TNNI3K: variants seen among roughly 807,000 people sequenced by gnomAD.
TNNI3K encodes serine/threonine-protein kinase TNNI3K.
A neutral mutation model predicts 114.5 loss-of-function variants in TNNI3K; 140 were observed. That is an observed-to-expected ratio of 1.22 (90% confidence interval 1.07 to 1.41). The LOEUF (loss-of-function observed/expected upper bound fraction) is 1.41, where lower values mean the gene tolerates loss of function less well. Among genes scored for constraint, TNNI3K ranks in the 40% most tolerant of loss-of-function variants. The pLI is 0.00. For missense variants in TNNI3K, 1,125 were observed against 1,007.6 expected (o/e 1.12, Z -1.58); for synonymous variants, 347 against 347.5 (o/e 1.00, Z 0.02).
At chr1:74,308,866 A>G (rs977612958) in intron 5 of TNNI3K, among the ~76,000 whole-genome samples, 3 of 152,202 alleles carry the variant, frequency 2.0e-5, no homozygotes, top group Admixed American at 6.5e-5. Context: ...AGGGACCACT[A>G]TAAATATCTC....
chr1:74,480,467 G>A (rs1211024471), intron 21 of TNNI3K: 5 of 717,338 alleles, frequency 7.0e-6, no homozygotes, highest in African/African-American at 1.7e-5. Context: ...AAACACATCC[G>A]GCATGTGGGC....
chr1:74,319,735 T>G (rs143478214), intron 5 of TNNI3K, among the ~76,000 whole-genome samples: 14 of 152,302 alleles, frequency 9.2e-5, no homozygotes, highest in African/African-American at 3.1e-4. Flanking sequence ...GTTCCAGTGG[T>G]ACCTTGGAAG....
At chr1:74,284,190 A>G (rs940085610) in intron 5 of TNNI3K, among the ~76,000 whole-genome samples, 1 of 152,208 alleles carries the variant, frequency 6.6e-6, no homozygotes, top group Non-Finnish European at 1.5e-5. Context: ...TTTCTCAGGG[A>G]TGATTCATCC....
chr1:74,255,365 A>AG, intron 4 of TNNI3K, among the ~76,000 whole-genome samples: 1 of 151,940 alleles, frequency 6.6e-6, no homozygotes, highest in East Asian at 1.9e-4. Context: ...AAAAAAAAAA[A>AG]AAAAAAAATG....
chr1:74,243,323 G>C (rs544746610), intron 2 of TNNI3K, among the ~76,000 whole-genome samples: 8 of 152,254 alleles, frequency 5.3e-5, no homozygotes, highest in African/African-American at 1.9e-4. Context: ...GATATAGTCT[G>C]CTTCTATTGT....
chr1:74,452,643 T>C (rs898795815), intron 20 of TNNI3K, among the ~76,000 whole-genome samples: 2 of 152,214 alleles, frequency 1.3e-5, no homozygotes, highest in African/African-American at 4.8e-5. Flanking sequence ...TCACTAGATT[T>C]AGCTTTCTAA....
chr1:74,484,267 G>A (rs1570683528), intron 21 of TNNI3K, among the ~76,000 whole-genome samples: 1 of 146,916 alleles, frequency 6.8e-6, no homozygotes, highest in Non-Finnish European at 1.5e-5. Flanking sequence ...TATATAATAA[G>A]ATAGTTTGAG....
At chr1:74,493,959 G>C (rs1395473725) in intron 23 of TNNI3K, among the ~76,000 whole-genome samples, 1 of 152,224 alleles carries the variant, frequency 6.6e-6, no homozygotes, top group Non-Finnish European at 1.5e-5. Flanking sequence ...GGTAACTGGA[G>C]TGGGAATGGG....
At chr1:74,400,905 G>C (rs924005144) in intron 17 of TNNI3K, among the ~76,000 whole-genome samples, 4 of 152,116 alleles carry the variant, frequency 2.6e-5, no homozygotes, top group Admixed American at 2.6e-4. Context: ...ATTCACCCTG[G>C]CATTCCATAA....
intron 5 of TNNI3K, among the ~76,000 whole-genome samples, chr1:74,311,632 G>T (rs1659001725): frequency 6.6e-6 from 1 of 152,096 alleles, no homozygotes; most frequent in Non-Finnish European, 1.5e-5. Flanking sequence ...TGTTTTTAGT[G>T]TGCTTAGGAA....
At chr1:74,358,435 T>C (rs546549057) in intron 11 of TNNI3K, among the ~76,000 whole-genome samples, 6 of 152,118 alleles carry the variant, frequency 3.9e-5, no homozygotes, top group South Asian at 2.1e-4. Context: ...AAATGTACTA[T>C]AGTGTATTCT....
intron 5 of TNNI3K, among the ~76,000 whole-genome samples, chr1:74,307,508 T>G (rs1658715933): frequency 6.6e-6 from 1 of 152,148 alleles, no homozygotes; most frequent in South Asian, 2.1e-4. Context: ...ATAAAACAAA[T>G]TTTAAACCAA....
rs186741751 is a variant in TNNI3K at position 74,315,443 on chromosome 1, C to T, written c.445-16007C>T. ...ATTTCAGTCAACCAATTAATGCCTACATTTGTATATTACAATGTCAGAGAA... is the reference window on the plus strand; with the variant it reads ...ATTTCAGTCAACCAATTAATGCCTATATTTGTATATTACAATGTCAGAGAA... On this transcript the variant is annotated intron_variant, in intron 5 of 24. Transcript: ENST00000326637. Among the ~76,000 whole-genome samples the T allele has an allele frequency of 1.1e-3, 165 of 152,110 alleles. No homozygotes were observed. In the Middle Eastern group the frequency reaches 0.017, roughly 16 times the overall value.
chr1:74,420,502 C>T (rs1665342702), intron 17 of TNNI3K, among the ~76,000 whole-genome samples: 1 of 152,076 alleles, frequency 6.6e-6, no homozygotes, highest in African/African-American at 2.4e-5. Context: ...TATGTTTTGC[C>T]AAGCTCTCAC....
At chr1:74,372,807 G>T (rs969469660) in intron 17 of TNNI3K, 4 of 151,824 alleles carry the variant, frequency 2.6e-5, no homozygotes, top group African/African-American at 9.7e-5. Context: ...ACCACCAGTT[G>T]TCAGGCAGGA....
At chr1:74,241,433 C>T (rs1044258583) in intron 2 of TNNI3K, among the ~76,000 whole-genome samples, 1 of 152,204 alleles carries the variant, frequency 6.6e-6, no homozygotes. Context: ...ACATCCTCTC[C>T]AGCACCTGTT....
At chr1:74,294,982 TC>T (rs1030579300) in intron 5 of TNNI3K, among the ~76,000 whole-genome samples, 26 of 151,666 alleles carry the variant, frequency 1.7e-4, no homozygotes, top group African/African-American at 5.6e-4. Flanking sequence ...TTTATTTTCA[TC>T]CTTTTTTTAT....
At chr1:74,534,146 T>C (rs1646629954) in intron 23 of TNNI3K, among the ~76,000 whole-genome samples, 1 of 152,184 alleles carries the variant, frequency 6.6e-6, no homozygotes, top group Admixed American at 6.6e-5. Context: ...CAATTATTAT[T>C]ATTATATCAT....
At position 74,378,620 on chromosome 1, in the gene TNNI3K, ATATATAT is replaced by A. The variant is rs1390468931; in HGVS notation, c.1772+8229_1772+8235del. 152 of 78,606 alleles carry A rather than the reference ATATATAT, an allele frequency of 1.9e-3. 1 individual carries two copies. The highest frequency in any genetic ancestry group is 7.9e-3 in the African/African-American group (147 of 18,722). 4.9% of individuals were successfully genotyped at this position (78,606 alleles called of 1,614,324 possible). On this transcript the variant is annotated intron_variant, in intron 17 of 24. Coordinates refer to ENST00000326637, the MANE Select transcript of TNNI3K (RefSeq NM_015978.3). ...TATATATATATATATATATATATAT[ATATATAT>A]ATATATATATATATTTCATTTCATC...
Sources: gnomAD v4.1 joint callset for allele counts (sites outside exome capture counted in the v4.1 genomes callset) on GRCh38, gnomAD v4.1.1 for gene constraint, MANE v1.5 for transcripts, NCBI Gene and HGNC (gene_info 2026-07-23, HGNC 2026-07-21) for gene names.